The following CCDC85A variants were observed in gnomAD, a reference collection of about 807,000 sequenced individuals.
CCDC85A encodes coiled-coil domain containing 85A, also known as coiled-coil domain-containing protein 85A.
Under a neutral mutation model 50.2 loss-of-function variants are expected in CCDC85A, and 38 were observed. The observed-to-expected ratio is 0.76, with a 90% CI of 0.58 to 0.99. The LOEUF is 0.99. Among genes scored for constraint, CCDC85A ranks in the 50% least tolerant of loss-of-function variants. CCDC85A has a pLI of 0.00. For synonymous variants in CCDC85A, 366 were observed against 301.4 expected (o/e 1.21, Z -2.22); for missense variants, 820 against 742.0 (o/e 1.11, Z -1.22).
chr2:56,362,846 A>G (rs1675599910), intron 3 of CCDC85A, among the ~76,000 whole-genome samples: 1 of 151,950 alleles, frequency 6.6e-6, no homozygotes, highest in South Asian at 2.1e-4. Context: ...CTGGTCTCAA[A>G]CTCCTGACCT....
intron 2 of CCDC85A, among the ~76,000 whole-genome samples, chr2:56,289,995 G>A (rs1396442147): frequency 6.6e-6 from 1 of 152,150 alleles, no homozygotes; most frequent in Non-Finnish European, 1.5e-5. Flanking sequence ...GGTCGAGGTG[G>A]TGATTGTCCT....
intron 2 of CCDC85A, among the ~76,000 whole-genome samples, chr2:56,270,841 A>G (rs1670666632): frequency 6.6e-6 from 1 of 152,212 alleles, no homozygotes; most frequent in Non-Finnish European, 1.5e-5. Flanking sequence ...TATGCAGTCC[A>G]CCATGGGAAA....
intron 2 of CCDC85A, among the ~76,000 whole-genome samples, chr2:56,223,821 T>G (rs1377582778): frequency 6.6e-6 from 1 of 152,272 alleles, no homozygotes; most frequent in South Asian, 2.1e-4. Context: ...TGAAAAGATA[T>G]GAGGGATCAG....
chr2:56,229,118 G>A (rs1323207849), intron 2 of CCDC85A, among the ~76,000 whole-genome samples: 2 of 152,184 alleles, frequency 1.3e-5, no homozygotes, highest in South Asian at 2.1e-4. Flanking sequence ...TATGATTGCT[G>A]TGACATGGGT....
At chr2:56,317,069 G>A (rs541471059) in intron 2 of CCDC85A, among the ~76,000 whole-genome samples, 1 of 152,206 alleles carries the variant, frequency 6.6e-6, no homozygotes, top group Admixed American at 6.6e-5. Context: ...GTTATCTCAT[G>A]TTATAAGAGA....
chr2:56,329,266 G>T (rs1372559036), intron 2 of CCDC85A, among the ~76,000 whole-genome samples: 1 of 152,162 alleles, frequency 6.6e-6, no homozygotes, highest in African/African-American at 2.4e-5. Flanking sequence ...GGATACTTCA[G>T]ATCCTCTCTG....
intron 3 of CCDC85A, among the ~76,000 whole-genome samples, chr2:56,364,219 C>G (rs1000514603): frequency 1.3e-5 from 2 of 152,082 alleles, no homozygotes; most frequent in Non-Finnish European, 2.9e-5. Context: ...TGGGTGTTTT[C>G]TGTCTTAGCC....
intron 2 of CCDC85A, among the ~76,000 whole-genome samples, chr2:56,233,546 G>A (rs114462808): frequency 3.2e-3 from 487 of 152,226 alleles, no homozygotes; most frequent in Non-Finnish European, 4.9e-3. Context: ...GGGTATGACT[G>A]TCTTCCAATA....
At chr2:56,210,272 C>G (rs1387464983) in intron 2 of CCDC85A, among the ~76,000 whole-genome samples, 1 of 152,032 alleles carries the variant, frequency 6.6e-6, no homozygotes, top group Non-Finnish European at 1.5e-5. Context: ...GGTGTTTTGA[C>G]AATTGGAAAA....
chr2:56,360,309 C>G (rs528322737), intron 3 of CCDC85A, among the ~76,000 whole-genome samples: 1 of 152,324 alleles, frequency 6.6e-6, no homozygotes, highest in South Asian at 2.1e-4. Context: ...CCACGTGAAG[C>G]TAATTGATAG....
intron 3 of CCDC85A, among the ~76,000 whole-genome samples, chr2:56,357,542 A>G (rs998253497): frequency 6.6e-6 from 1 of 151,352 alleles, no homozygotes; most frequent in Non-Finnish European, 1.5e-5. Context: ...CTTTTGTGTT[A>G]ATGTTTTTTG....
intron 3 of CCDC85A, among the ~76,000 whole-genome samples, chr2:56,364,338 T>TC (rs1015250517): frequency 3.9e-5 from 6 of 151,922 alleles, no homozygotes; most frequent in African/African-American, 1.2e-4. Flanking sequence ...CGTTTTATTT[T>TC]TTCTGGGAAC....
intron 2 of CCDC85A, among the ~76,000 whole-genome samples, chr2:56,284,773 T>C (rs965183593): frequency 9.2e-5 from 14 of 152,232 alleles, no homozygotes; most frequent in African/African-American, 3.4e-4. Context: ...TCTTTTCTTA[T>C]GCACATAAGT....
At chr2:56,281,681 C>T (rs1046488263) in intron 2 of CCDC85A, among the ~76,000 whole-genome samples, 1 of 152,148 alleles carries the variant, frequency 6.6e-6, no homozygotes, top group Middle Eastern at 3.2e-3. Context: ...AATGAAGTTG[C>T]ATATCAGCCA....
intron 2 of CCDC85A, among the ~76,000 whole-genome samples, chr2:56,325,297 T>C (rs1297378346): frequency 6.6e-6 from 1 of 152,128 alleles, no homozygotes; most frequent in Non-Finnish European, 1.5e-5. Context: ...CATTTGAAGA[T>C]AATAGTTACT....
At chr2:56,186,984 C>T (rs1676076553) in intron 1 of CCDC85A, among the ~76,000 whole-genome samples, 1 of 152,160 alleles carries the variant, frequency 6.6e-6, no homozygotes, top group African/African-American at 2.4e-5. Context: ...CATGTCATCC[C>T]TGGGCTGCTG....
At chr2:56,348,124 G>A (rs1218093369) in intron 3 of CCDC85A, among the ~76,000 whole-genome samples, 1 of 152,308 alleles carries the variant, frequency 6.6e-6, no homozygotes, top group South Asian at 2.1e-4. Flanking sequence ...ACATGAACAA[G>A]CAGTTTGCTG....
chr2:56,315,499 A>G (rs528331799), intron 2 of CCDC85A, among the ~76,000 whole-genome samples: 1 of 152,280 alleles, frequency 6.6e-6, no homozygotes, highest in Non-Finnish European at 1.5e-5. Flanking sequence ...ATTGTGCCAG[A>G]CACTGTGGGA....
intron 2 of CCDC85A, among the ~76,000 whole-genome samples, chr2:56,256,137 A>G (rs920600543): frequency 1.3e-5 from 2 of 152,186 alleles, no homozygotes; most frequent in African/African-American, 4.8e-5. Context: ...GAATTCAGAT[A>G]TGCTTTGATT....
Sources: gnomAD v4.1 joint callset for allele counts (sites outside exome capture counted in the v4.1 genomes callset) on GRCh38, gnomAD v4.1.1 for gene constraint, MANE v1.5 for transcripts, NCBI Gene and HGNC (gene_info 2026-07-23, HGNC 2026-07-21) for gene names.